SZT2: variants seen among roughly 807,000 people sequenced by gnomAD.
SZT2 encodes KICSTOR complex protein SZT2.
Under a neutral mutation model 404.2 loss-of-function variants are expected in SZT2, and 216 were observed. The observed-to-expected ratio is 0.53, with a 90% CI of 0.48 to 0.60. The LOEUF is 0.60. SZT2 is among the 20% of genes least tolerant of loss of function. SZT2 has a pLI of 0.00. For synonymous variants in SZT2, 1,693 were observed against 1,749.9 expected (o/e 0.97, Z 0.81); for missense variants, 3,857 against 4,459.2 (o/e 0.86, Z 3.85).
chr1:43,408,334 G>T (rs1201047889), intron 4 of SZT2, among the ~76,000 whole-genome samples: 2 of 152,144 alleles, frequency 1.3e-5, no homozygotes, highest in Non-Finnish European at 2.9e-5. Flanking sequence ...CATGATCATA[G>T]CTCAATGTAA....
chr1:43,391,828 TCCCAGCAC>T (rs1648371658), intron 1 of SZT2, among the ~76,000 whole-genome samples: 1 of 113,418 alleles, frequency 8.8e-6, no homozygotes, highest in Non-Finnish European at 1.9e-5. Flanking sequence ...ACGCCTGTAA[TCCCAGCAC>T]TTTGGGAGGC....
chr1:43,436,876 C>T, intron 42 of SZT2: 3 of 456,732 alleles, frequency 6.6e-6, no homozygotes, highest in East Asian at 3.8e-5. Context: ...GTCAGAATCT[C>T]TTGGCATGAT....
intron 4 of SZT2, 148 bp downstream of exon 4, chr1:43,404,698 C>G (rs1267447520): frequency 1.3e-6 from 1 of 749,444 alleles, no homozygotes; most frequent in Non-Finnish European, 2.1e-6. Context: ...CCTCATGAGT[C>G]TCTCTCTCCT....
chr1:43,411,703 A>G (rs1318998652), intron 4 of SZT2, among the ~76,000 whole-genome samples: 1 of 151,934 alleles, frequency 6.6e-6, no homozygotes, highest in East Asian at 1.9e-4. Flanking sequence ...AGGGGGAAGA[A>G]TGAAAAACAA....
At position 43,446,957 on chromosome 1, in the gene SZT2, G is replaced by A. The variant is rs1440401906; in HGVS notation, c.9075G>A (p.Leu3025=). The A allele has an allele frequency of 1.2e-6, 2 of 1,609,378 alleles. No homozygotes were observed. Among genetic ancestry groups the A allele is most frequent in the African/African-American group, 1.3e-5 (1 of 74,888 alleles). The change falls in exon 66 of 72, where the codon CTG becomes CTA. Residue 3025 remains leucine, a splice_region_variant and synonymous_variant. Transcript: ENST00000634258. ...GTCTCCTGCTGCTGCCTCCCCAGCT[G>A]TCCATGCTGTTCACAGAGGAGTGTG... is the stretch of plus-strand genomic sequence containing the variant. The part of the protein sequence containing the change: ...IPMGQAVNSQ[L]SMLFTEECDK...
rs1404294978 is a variant in SZT2, at chr1:43,435,337, C to G, written c.6034+8C>G. The G allele has an allele frequency of 3.1e-6, 5 of 1,613,772 alleles. No homozygotes were observed. Among genetic ancestry groups the G allele is most frequent in the Non-Finnish European group, 4.2e-6 (5 of 1,179,938 alleles). On this transcript the variant is annotated splice_region_variant and intron_variant, in intron 42 of 71. Transcript: ENST00000634258. ...CACCACTGCCCAGTGATGGTGAGAT[C>G]CCACCCAGGAGCCTCCCTCACAAGG...
In SZT2 at chr1:43,420,864, G is replaced by C. The variant is rs1215596138; in HGVS notation, c.1377G>C (p.Val459=). The change falls in exon 10 of 72, where the codon GTG becomes GTC. Residue 459 remains valine, a synonymous_variant. Transcript: ENST00000634258. This position sits in a 1 kb window ranked among gnomAD's most constrained non-coding sequence, Gnocchi z 5.1. Reference sequence around the variant, plus strand: ...CTGAGGGCCCTCGAGTAACACGGGTGGAAGTGACGATGGAAGGCGGCTACG... The same window carrying C: ...CTGAGGGCCCTCGAGTAACACGGGTCGAAGTGACGATGGAAGGCGGCTACG... The part of the protein sequence containing the change: ...LEPEGPRVTR[V]EVTMEGGYDI... 1 of 1,598,360 alleles carries C rather than the reference G, an allele frequency of 6.3e-7. No homozygotes were observed.
At chr1:43,411,688 T>G (rs189289446) in intron 4 of SZT2, among the ~76,000 whole-genome samples, 9 of 151,368 alleles carry the variant, frequency 5.9e-5, no homozygotes, top group Admixed American at 5.9e-4. Flanking sequence ...GACTTTGGCT[T>G]GTGGAGGGGG....
At chr1:43,396,561 CAAA>C (rs1464817179) in intron 1 of SZT2, among the ~76,000 whole-genome samples, 2 of 152,190 alleles carry the variant, frequency 1.3e-5, no homozygotes, top group Admixed American at 1.3e-4. Flanking sequence ...ACTTCTGACT[CAAA>C]GAAGAGAGGT....
Position 43,452,826 on chromosome 1 carries a change from C to T in SZT2, c.*2346C>T. Reference sequence around the variant, plus strand: ...CCCCACTTTGAGCCGTCCACCTCCTCCCATCATCCCCTGATCTTAGCCACA... The same window carrying T: ...CCCCACTTTGAGCCGTCCACCTCCTTCCATCATCCCCTGATCTTAGCCACA... On this transcript the variant is annotated 3_prime_UTR_variant, in exon 72 of 72. Coordinates refer to ENST00000634258, the MANE Select transcript of SZT2 (RefSeq NM_001365999.1). 6.8e-7 allele frequency: 1 copy of T among 1,463,686 alleles called. No homozygotes were observed. Among genetic ancestry groups the T allele is most frequent in the East Asian group, 2.5e-5 (1 of 40,512 alleles). 90.7% of individuals were successfully genotyped at this position (1,463,686 alleles called of 1,614,324 possible). A position where few individuals can be genotyped will look rare whatever the true frequency, so the allele number is the denominator to read the frequency against.
chr1:43,430,452 C>T (rs1386592196), intron 31 of SZT2, 44 bp from the exon 32 acceptor site: 1 of 1,605,126 alleles, frequency 6.2e-7, no homozygotes, highest in Non-Finnish European at 8.5e-7. Flanking sequence ...TTCAAGGGTT[C>T]CACTGCCAGC....
At position 43,442,210 on chromosome 1, in the gene SZT2, G is replaced by A; in HGVS notation, c.7874-58G>A. On this transcript the variant is annotated intron_variant, in intron 56 of 71. Coordinates refer to ENST00000634258, the MANE Select transcript of SZT2 (RefSeq NM_001365999.1). The surrounding 1 kb of genome is among the most constrained non-coding windows in gnomAD (Gnocchi z 4.5). ...GGTCTCCAACCTTGCAGAGGGGAGG[G>A]TGGGATCAAGGGGGATCTGTTCCCA... 6.2e-7 allele frequency: 1 copy of A among 1,600,028 alleles called. No individual in the cohort carries two copies. Among genetic ancestry groups the A allele is most frequent in the Non-Finnish European group, 8.5e-7 (1 of 1,172,286 alleles).
chr1:43,430,699 C>T lies in SZT2; in HGVS notation c.4684C>T (p.Leu1562=), dbSNP rs760103792. 1 of 1,613,880 alleles carries T rather than the reference C, an allele frequency of 6.2e-7. No individual in the cohort carries two copies. Among genetic ancestry groups the T allele is most frequent in the Non-Finnish European group, 8.5e-7 (1 of 1,180,022 alleles). Residue 1562 remains leucine (L), a synonymous_variant, in exon 32 of 72, where the codon CTG becomes TTG. Coordinates refer to ENST00000634258, the MANE Select transcript of SZT2 (RefSeq NM_001365999.1). ...TGGGCCTGAGAGCTTCCTTCATGACCTGCCACCGCTCTTCCTGCACCTCAC... is the reference window on the plus strand; with the variant it reads ...TGGGCCTGAGAGCTTCCTTCATGACTTGCCACCGCTCTTCCTGCACCTCAC... ...PTGPESFLHD[L]PPLFLHLTCS...
In SZT2 at chr1:43,404,361, G is replaced by A; in HGVS notation, c.328-19G>A. On this transcript the variant is annotated intron_variant, in intron 3 of 71. Coordinates refer to ENST00000634258, the MANE Select transcript of SZT2 (RefSeq NM_001365999.1). ...GGGCTGCCTTTGGACCCCCTTGAGT[G>A]CTCTTTCTCTGCCCTCAGGATGATT... 1.2e-6 allele frequency: 2 copies of A among 1,603,504 alleles called. No homozygotes were observed. The highest frequency in any genetic ancestry group is 1.7e-6 in the Non-Finnish European group (2 of 1,173,430).
rs1250686955 is a variant in SZT2, at chr1:43,403,725, A to G, written c.278A>G (p.Gln93Arg). The G allele has an allele frequency of 1.9e-6, 3 of 1,614,088 alleles. No individual in the cohort carries two copies. Among genetic ancestry groups the G allele is most frequent in the East Asian group, 2.2e-5 (1 of 44,876 alleles). Residue 93 changes from glutamine to arginine, a missense_variant, in exon 3 of 72, where the codon CAG (glutamine) becomes CGG (arginine). By Grantham distance (43) the Gln-to-Arg change is conservative. Transcript: ENST00000634258. ...ACCCGGGTCACCTTCCTGGCTTGGC[A>G]GTATCGGTTTGTCATTGAGTTGGAC... ...PSTRVTFLAW[Q>R]YRFVIELDLS...
intron 28 of SZT2, 151 bp downstream of exon 28, chr1:43,428,637 G>A: frequency 9.2e-7 from 1 of 1,090,642 alleles, no homozygotes; most frequent in East Asian, 2.6e-5. Flanking sequence ...GGACTCCCAT[G>A]CAGCCTTCCT....
chr1:43,422,172 C>T lies in SZT2; in HGVS notation c.1716C>T (p.Ser572=), dbSNP rs1200364352. The change falls in exon 12 of 72, where the codon TCC becomes TCT. Residue 572 remains serine, a synonymous_variant. Coordinates refer to ENST00000634258, the MANE Select transcript of SZT2 (RefSeq NM_001365999.1). Reference sequence around the variant, plus strand: ...CAGTGCTGTCCATGGATGCAAATTCCTGGCAGCGATGGCTGCACATGCATC... The same window carrying T: ...CAGTGCTGTCCATGGATGCAAATTCTTGGCAGCGATGGCTGCACATGCATC... The part of the protein sequence containing the change: ...WKPVLSMDAN[S]WQRWLHMHRL... 1 of 1,596,822 alleles carries T rather than the reference C, an allele frequency of 6.3e-7. No homozygotes were observed. The highest frequency in any genetic ancestry group is 1.3e-5 in the African/African-American group (1 of 75,012).
At chr1:43,443,838 A>G (rs1315157782) in intron 62 of SZT2, 42 bp downstream of exon 62, 3 of 1,608,974 alleles carry the variant, frequency 1.9e-6, no homozygotes, top group Non-Finnish European at 2.5e-6. Flanking sequence ...CTCCTCCTGC[A>G]CTGCAAGTGA....
Position 43,448,656 on chromosome 1 carries a change from C to T in SZT2, c.10014C>T (p.Ile3338=), listed in dbSNP as rs1326721351. 6.2e-7 allele frequency: 1 copy of T among 1,614,082 alleles called. No homozygotes were observed. Among genetic ancestry groups the T allele is most frequent in the African/African-American group, 1.3e-5 (1 of 74,916 alleles). ...SMTVSWYQSL[I]KVLLSRFPQS... The stretch of plus-strand genomic sequence containing the variant: ...CGGTCTCCTGGTACCAGAGCCTGAT[C>T]AAAGTTCTCCTAAGCCGCTTCCCCC... Residue 3338 remains isoleucine, a synonymous_variant, in exon 70 of 72, where the codon ATC becomes ATT. Transcript: ENST00000634258. This position sits in a 1 kb window ranked among gnomAD's most constrained non-coding sequence, Gnocchi z 4.2.
Sources: allele counts gnomAD v4.1 joint callset (sites outside exome capture counted in the v4.1 genomes callset), GRCh38; gene constraint gnomAD v4.1.1; non-coding constraint Gnocchi (gnomAD v3.1); transcripts MANE v1.5; gene names NCBI Gene and HGNC (gene_info 2026-07-23, HGNC 2026-07-21).